HSPA4L: variants seen among roughly 807,000 people sequenced by gnomAD.
HSPA4L encodes the protein heat shock 70 kDa protein 4L.
HSPA4L carries 48 observed loss-of-function variants against 100.3 expected under a neutral mutation model. That is an observed-to-expected ratio of 0.48 (90% CI 0.38 to 0.61). The LOEUF (loss-of-function observed/expected upper bound fraction) is 0.61, where lower values mean the gene tolerates loss of function less well. HSPA4L is among the 20% of genes least tolerant of loss of function. The pLI is 0.00. For synonymous variants in HSPA4L, 319 were observed against 328.2 expected, an observed-to-expected ratio of 0.97 and a Z score of 0.30; for missense variants, 886 against 988.6, an observed-to-expected ratio of 0.90 and a Z score of 1.39.
At chr4:127,832,266 G>C (rs1422289863) in intron 18 of HSPA4L, among the ~76,000 whole-genome samples, 2 of 152,048 alleles carry the variant, frequency 1.3e-5, no homozygotes, top group African/African-American at 4.8e-5. Flanking sequence ...GTATGTATTT[G>C]TATGATTCCA....
intron 10 of HSPA4L, among the ~76,000 whole-genome samples, chr4:127,807,669 T>TTTA (rs1465335072): frequency 1.3e-5 from 2 of 152,104 alleles, no homozygotes; most frequent in Non-Finnish European, 1.5e-5. Context: ...TGGCAAGTAT[T>TTTA]TTAGAAGTTA....
intron 3 of HSPA4L, among the ~76,000 whole-genome samples, chr4:127,796,832 G>A (rs1295772201): frequency 1.3e-5 from 2 of 152,122 alleles, no homozygotes; most frequent in African/African-American, 4.8e-5. Flanking sequence ...AATAGAGAGT[G>A]ACTGCTAATG....
chr4:127,798,016 A>G (rs1364906045), intron 3 of HSPA4L, among the ~76,000 whole-genome samples: 4 of 152,124 alleles, frequency 2.6e-5, no homozygotes, highest in Non-Finnish European at 5.9e-5. Context: ...TTGGCATAAT[A>G]CTTGTTTTTG....
chr4:127,807,268 A>T (rs1263474978), intron 10 of HSPA4L, among the ~76,000 whole-genome samples: 1 of 152,016 alleles, frequency 6.6e-6, no homozygotes, highest in Non-Finnish European at 1.5e-5. Flanking sequence ...TCTGTTAAAC[A>T]ATTTAAGGAA....
At chr4:127,814,816 C>G (rs1036316600) in intron 12 of HSPA4L, among the ~76,000 whole-genome samples, 1 of 152,172 alleles carries the variant, frequency 6.6e-6, no homozygotes, top group African/African-American at 2.4e-5. Flanking sequence ...CCACCAGCCT[C>G]TACCTCCCAA....
At chr4:127,791,399 T>C (rs1189690238) in intron 1 of HSPA4L, among the ~76,000 whole-genome samples, 3 of 152,194 alleles carry the variant, frequency 2.0e-5, no homozygotes, top group Non-Finnish European at 4.4e-5. Flanking sequence ...TTTTGTGATA[T>C]CTGCCACCAC....
intron 17 of HSPA4L, among the ~76,000 whole-genome samples, chr4:127,830,431 G>C (rs1578726162): frequency 6.6e-6 from 1 of 152,078 alleles, no homozygotes; most frequent in East Asian, 1.9e-4. Context: ...GATTTCTTCA[G>C]AGAGCCTTTC....
intron 8 of HSPA4L, among the ~76,000 whole-genome samples, chr4:127,804,608 AACACACACACACACACACACACACAC>A (rs56013070): frequency 6.9e-6 from 1 of 144,316 alleles, no homozygotes; most frequent in African/African-American, 2.6e-5. Flanking sequence ...TCTGTCTCAA[AACACACACACACACACACACACACAC>A]ACACACACAC....
rs780095848 is a variant in HSPA4L at position 127,782,609 on chromosome 4, G to T, written c.59G>T (p.Ser20Ile). 7.4e-6 allele frequency: 12 copies of T among 1,614,088 alleles called. No homozygotes were observed. The highest frequency in any genetic ancestry group is 9.3e-6 in the Non-Finnish European group (11 of 1,179,994). Residue 20 changes from serine to isoleucine, a missense_variant, in exon 1 of 19, where the codon AGT becomes ATT. Physicochemically the swap from Ser to Ile is moderately radical, Grantham distance 142. Coordinates refer to ENST00000296464, the MANE Select transcript of HSPA4L (RefSeq NM_014278.4). The stretch of plus-strand genomic sequence containing the variant: ...AACTGCTACATTGCTGTCGCGAGAA[G>T]TGGCGGCATCGAGACCATCGCCAAT... ...FLNCYIAVARSGGIETIANEY... is the reference protein window; with the variant it reads ...FLNCYIAVARIGGIETIANEY...
chr4:127,798,693 C>T lies in HSPA4L; in HGVS notation c.413C>T (p.Ala138Val), dbSNP rs748267500. The T allele has an allele frequency of 3.7e-6, 6 of 1,613,534 alleles. No homozygotes were observed. In the Admixed American group the frequency reaches 5.0e-5, roughly 13 times the overall value. ...TSENALKKPV[A>V]DCVISIPSFF... ...GAAAATGCTTTGAAGAAACCAGTGG[C>T]TGACTGTGTGATTTCAGTAAGTTTT... The change falls in exon 4 of 19, where the codon GCT becomes GTT. Residue 138 changes from alanine to valine, a missense_variant. Physicochemically the swap from Ala to Val is moderately conservative, Grantham distance 64. Transcript: ENST00000296464.
At chr4:127,784,049 C>T (rs1195800978) in intron 1 of HSPA4L, among the ~76,000 whole-genome samples, 2 of 152,186 alleles carry the variant, frequency 1.3e-5, no homozygotes, top group Non-Finnish European at 2.9e-5. Context: ...CAGTGAGAGG[C>T]CGAAACAGTA....
Position 127,805,062 on chromosome 4 carries a change from A to C in HSPA4L, c.986-11A>C. The C allele has an allele frequency of 3.2e-6, 5 of 1,566,270 alleles. No homozygotes were observed. The highest frequency in any genetic ancestry group is 3.5e-6 in the Non-Finnish European group (4 of 1,157,044). On this transcript the variant is annotated splice_polypyrimidine_tract_variant and intron_variant, in intron 8 of 18. Coordinates refer to ENST00000296464, the MANE Select transcript of HSPA4L (RefSeq NM_014278.4). The stretch of plus-strand genomic sequence containing the variant: ...AGACTATCATTTTTCTCAATTAAAA[A>C]AATTTTCCAGACTTACAACGTGAAG...
intron 12 of HSPA4L, among the ~76,000 whole-genome samples, chr4:127,815,726 G>A (rs1733654703): frequency 6.6e-6 from 1 of 152,056 alleles, no homozygotes; most frequent in South Asian, 2.1e-4. Context: ...GATTGAAAAG[G>A]TTGCCACCCA....
In HSPA4L at chr4:127,836,654, T is replaced by A. The variant is rs1734219499; in HGVS notation, c.*3780T>A. 6.6e-6 allele frequency: 1 copy of A among 151,968 alleles called. No individual in the cohort carries two copies. Among genetic ancestry groups the A allele is most frequent in the Admixed American group, 6.6e-5 (1 of 15,258 alleles). 9.4% of individuals were successfully genotyped at this position (151,968 alleles called of 1,614,324 possible). On this transcript the variant is annotated 3_prime_UTR_variant, in exon 19 of 19. Coordinates refer to ENST00000296464, the MANE Select transcript of HSPA4L (RefSeq NM_014278.4). ...CACTTAATCCAAATTAGCCCATCTT[T>A]AACTGTTTTGAAAAATCTATATTTA...
At chr4:127,805,283 C>A (rs923111632) in intron 9 of HSPA4L, 59 bp downstream of exon 9, 4 of 1,326,852 alleles carry the variant, frequency 3.0e-6, no homozygotes, top group African/African-American at 1.5e-5. Context: ...GTGATAGATC[C>A]AAAGGGGCCT....
At position 127,835,145 on chromosome 4, in the gene HSPA4L, T is replaced by A. The variant is rs932475913; in HGVS notation, c.*2271T>A. ...TAAAATATGCAATGCTAGACAAAGATTTTCAAAATAAAAAGCTATTATTTC... is the reference window on the plus strand; with the variant it reads ...TAAAATATGCAATGCTAGACAAAGAATTTCAAAATAAAAAGCTATTATTTC... On this transcript the variant is annotated 3_prime_UTR_variant, in exon 19 of 19. Transcript: ENST00000296464. The A allele has an allele frequency of 2.0e-4, 31 of 152,120 alleles. No homozygotes were observed. Among genetic ancestry groups the A allele is most frequent in the Non-Finnish European group, 5.9e-5 (4 of 68,016 alleles). The allele number at this position is 152,120 out of a possible 1,614,324, so 9.4% of individuals were successfully genotyped here. A position where few individuals can be genotyped will look rare whatever the true frequency, so the allele number is the denominator to read the frequency against.
At chr4:127,790,778 A>G (rs995563209) in intron 1 of HSPA4L, among the ~76,000 whole-genome samples, 29 of 152,218 alleles carry the variant, frequency 1.9e-4, no homozygotes, top group African/African-American at 3.9e-4. Context: ...TCTTCTTACT[A>G]TCTAGTCCAG....
intron 13 of HSPA4L, among the ~76,000 whole-genome samples, chr4:127,820,145 ATCC>A (rs1284658845): frequency 6.6e-6 from 1 of 152,096 alleles, no homozygotes; most frequent in African/African-American, 2.4e-5. Context: ...GTTTCCCCAC[ATCC>A]TCAACTAACA....
intron 17 of HSPA4L, among the ~76,000 whole-genome samples, chr4:127,827,657 A>T (rs1016177289): frequency 3.3e-5 from 5 of 152,094 alleles, no homozygotes; most frequent in Non-Finnish European, 5.9e-5. Context: ...ATTTCCTGAA[A>T]CTACATTATA....
Sources: gnomAD v4.1 joint callset for allele counts (sites outside exome capture counted in the v4.1 genomes callset) on GRCh38, gnomAD v4.1.1 for gene constraint, MANE v1.5 for transcripts, NCBI Gene and HGNC (gene_info 2026-07-23, HGNC 2026-07-21) for gene names.